The following MTERF4 variants were observed in gnomAD, a reference collection of about 807,000 sequenced individuals.
MTERF4 encodes transcription termination factor 4, mitochondrial.
In MTERF4, 17 loss-of-function variants were observed where a neutral mutation model predicts 22.5. The observed-to-expected ratio is 0.75, with a 90% confidence interval of 0.52 to 1.13. The LOEUF is 1.13. Among genes scored for constraint, MTERF4 ranks in the 50% most tolerant of loss-of-function variants. MTERF4 has a pLI of 0.00. For synonymous variants in MTERF4, 165 were observed against 175.3 expected (o/e 0.94, Z 0.47); for missense variants, 420 against 466.8 (o/e 0.90, Z 0.92).
chr2:241,092,786 C>T (rs985319751), downstream of MTERF4: 4 of 152,246 alleles, frequency 2.6e-5, no homozygotes, highest in Admixed American at 2.6e-4. This position sits in a 1 kb window ranked among gnomAD's most constrained non-coding sequence, Gnocchi z 4.6. Flanking sequence ...GTAAGCAGAA[C>T]AGTACGGCAC....
chr2:241,077,235 G>A (rs534288599), intron 4 of MTERF4, among the ~76,000 whole-genome samples: 103 of 152,264 alleles, frequency 6.8e-4, no homozygotes, highest in Non-Finnish European at 1.2e-3. Flanking sequence ...GAATGAGGCC[G>A]GAGCCCTCGT....
downstream of MTERF4, among the ~76,000 whole-genome samples, chr2:241,083,469 G>A (rs1488116318): frequency 6.6e-6 from 1 of 152,210 alleles, no homozygotes; most frequent in Non-Finnish European, 1.5e-5. Flanking sequence ...TGTGGAGAAT[G>A]GGATGTAGAC....
chr2:241,081,606 C>T, intron 4 of MTERF4: 4 of 1,148,190 alleles, frequency 3.5e-6, no homozygotes, highest in Non-Finnish European at 5.1e-6. Context: ...AAGGAAGGGA[C>T]AGCAACATGT....
the MTERF4 span, chr2:241,065,010 C>T: frequency 7.4e-7 from 1 of 1,347,636 alleles, no homozygotes; most frequent in Admixed American, 2.5e-5. Flanking sequence ...TCCCCTCTCC[C>T]TAGAGGGCCC....
intron 3 of MTERF4, 186 bp downstream of exon 3, chr2:241,097,057 C>G: frequency 1.5e-6 from 1 of 648,556 alleles, no homozygotes; most frequent in Non-Finnish European, 2.7e-6. Context: ...ACTTCCTCCA[C>G]TCAAATATGA....
chr2:241,058,383 GAAA>G, the MTERF4 span, among the ~76,000 whole-genome samples: 2 of 151,250 alleles, frequency 1.3e-5, no homozygotes, highest in African/African-American at 4.9e-5. Flanking sequence ...CAGAAGTTAG[GAAA>G]AAAAATACGA....
At chr2:241,063,933 C>A in the MTERF4 span, 1 of 1,120,572 alleles carries the variant, frequency 8.9e-7, no homozygotes, top group Non-Finnish European at 1.3e-6. Context: ...CTCCTCCTTT[C>A]CCTTCTTCCC....
downstream of MTERF4, chr2:241,087,528 A>T: frequency 6.4e-7 from 1 of 1,554,274 alleles, no homozygotes; most frequent in Non-Finnish European, 8.7e-7. Context: ...CCACAGGGTG[A>T]TGGGGCAAGG....
intron 2 of MTERF4, chr2:241,099,086 T>A (rs1256614998): frequency 8.2e-6 from 2 of 242,600 alleles, no homozygotes; most frequent in Non-Finnish European, 1.6e-5. Context: ...AAAATCTTTT[T>A]TTTTTTTTTT....
chr2:241,089,952 T>C (rs2063808948), downstream of MTERF4: 9 of 1,543,502 alleles, frequency 5.8e-6, no homozygotes, highest in Non-Finnish European at 7.9e-6. Context: ...ACAGTAAAAA[T>C]AGATATAAAA....
the MTERF4 span, among the ~76,000 whole-genome samples, chr2:241,044,681 A>C: frequency 1.3e-5 from 2 of 152,238 alleles, no homozygotes; most frequent in South Asian, 4.1e-4. Context: ...CTGACAGTGC[A>C]GAAGTTGGGG....
downstream of MTERF4, chr2:241,071,782 C>A: frequency 1.3e-6 from 2 of 1,585,136 alleles, no homozygotes; most frequent in Non-Finnish European, 1.7e-6. Flanking sequence ...GTGACCCTCC[C>A]ACCCTCTCTG....
At chr2:241,071,701 A>ACCCC, downstream of MTERF4, 5 of 1,281,772 alleles carry the variant, frequency 3.9e-6, no homozygotes, top group Non-Finnish European at 4.3e-6. Flanking sequence ...CGCCCCCGAG[A>ACCCC]CCCCCACCCA....
the MTERF4 span, chr2:241,048,441 G>A: frequency 6.3e-7 from 1 of 1,597,672 alleles, no homozygotes. Flanking sequence ...TGCAGGGAGA[G>A]TGCGTCTGGG....
the MTERF4 span, among the ~76,000 whole-genome samples, chr2:241,056,989 A>G: frequency 1.3e-4 from 20 of 152,354 alleles, no homozygotes; most frequent in African/African-American, 4.3e-4. Context: ...AATGGGCAAA[A>G]GAATATTTGA....
intron 2 of MTERF4, 147 bp downstream of exon 2, chr2:241,099,249 A>G (rs1472995775): frequency 1.0e-5 from 9 of 865,332 alleles, no homozygotes; most frequent in Non-Finnish European, 1.6e-5. Flanking sequence ...TAATTTTTCT[A>G]TTTTTAGTTG....
chr2:241,055,680 C>G, the MTERF4 span, among the ~76,000 whole-genome samples: 1 of 152,210 alleles, frequency 6.6e-6, no homozygotes, highest in African/African-American at 2.4e-5. Flanking sequence ...GGATTGAAAT[C>G]AAGAGAAGCC....
chr2:241,048,906 G>C, the MTERF4 span: 6 of 1,192,696 alleles, frequency 5.0e-6, no homozygotes, highest in Non-Finnish European at 7.2e-6. Context: ...CTGGCCACAA[G>C]AGTGCCTGAA....
downstream of MTERF4, chr2:241,082,443 C>A (rs955453885): frequency 4.6e-6 from 5 of 1,093,398 alleles, no homozygotes; most frequent in Non-Finnish European, 6.9e-6. Flanking sequence ...CAAAGCTACC[C>A]AGCTAACCCT....
Sources: gnomAD v4.1 joint callset for allele counts (sites outside exome capture counted in the v4.1 genomes callset) on GRCh38, gnomAD v4.1.1 for gene constraint, Gnocchi (gnomAD v3.1) non-coding constraint, MANE v1.5 for transcripts, NCBI Gene and HGNC (gene_info 2026-07-23, HGNC 2026-07-21) for gene names.